MEIS3: variants seen among roughly 807,000 people sequenced by gnomAD.
MEIS3 encodes Meis homeobox 3, also known as homeobox protein Meis3.
In MEIS3, 38 loss-of-function variants were observed where a neutral mutation model predicts 51.4. The ratio of observed to expected loss-of-function variants is 0.74; its 90% CI spans 0.57 to 0.97. The LOEUF is 0.97. MEIS3 is among the 50% of genes least tolerant of loss of function. The pLI, the probability that MEIS3 is intolerant of heterozygous loss-of-function variation, is 0.00. For missense variants in MEIS3, 456 were observed against 502.6 expected, an observed-to-expected ratio of 0.91 and a Z score of 0.89; for synonymous variants, 198 against 201.8, an observed-to-expected ratio of 0.98 and a Z score of 0.16.
chr19:47,407,527 C>T, intron 8 of MEIS3, 99 bp from the exon 9 acceptor site: 1 of 1,602,542 alleles, frequency 6.2e-7, no homozygotes, highest in Non-Finnish European at 8.5e-7. Context: ...GAGCCCAGGC[C>T]CAGGCAGACG....
chr19:47,421,485 C>T (rs1443932251), upstream of MEIS3, among the ~76,000 whole-genome samples: 1 of 152,154 alleles, frequency 6.6e-6, no homozygotes, highest in Non-Finnish European at 1.5e-5. Flanking sequence ...TTGGGTTCCT[C>T]CTGTCCTCTC....
At chr19:47,417,417 G>A (rs1210689633) in intron 1 of MEIS3, 67 bp from the exon 2 acceptor site, 44 of 1,575,134 alleles carry the variant, frequency 2.8e-5, no homozygotes, top group Non-Finnish European at 3.8e-5. Context: ...ACTCGGCTGA[G>A]GAGCTTCTCT....
chr19:47,410,009 G>A (rs1971051917), intron 6 of MEIS3, among the ~76,000 whole-genome samples: 1 of 151,700 alleles, frequency 6.6e-6, no homozygotes, highest in South Asian at 2.1e-4. Flanking sequence ...TTCCTTAACT[G>A]GAAAATGAAG....
chr19:47,409,282 G>A (rs377189244), intron 7 of MEIS3, 35 bp from the exon 8 acceptor site: 3 of 1,593,428 alleles, frequency 1.9e-6, no homozygotes, highest in Non-Finnish European at 8.5e-7. Flanking sequence ...TGTGTGGGTA[G>A]TGAAGAGTGG....
chr19:47,416,566 GC>G, intron 4 of MEIS3, 85 bp downstream of exon 4: 1 of 1,166,798 alleles, frequency 8.6e-7, no homozygotes. Context: ...CCTTCTCTCT[GC>G]ACCCCCCCCA....
chr19:47,407,718 G>A, intron 8 of MEIS3: 1 of 544,898 alleles, frequency 1.8e-6, no homozygotes, highest in South Asian at 3.9e-5. Flanking sequence ...GCGTGGGGGA[G>A]GGGCTTCACT....
chr19:47,406,638 T>C, intron 11 of MEIS3, 112 bp from the exon 12 acceptor site: 1 of 1,115,590 alleles, frequency 9.0e-7, no homozygotes, highest in Non-Finnish European at 1.3e-6. Flanking sequence ...CAGGATAGAC[T>C]GAGTCATAAG....
In MEIS3 at chr19:47,419,194, A is replaced by T. The variant is rs368792495; in HGVS notation, c.-113T>A. On this transcript the variant is annotated 5_prime_UTR_variant, in exon 1 of 13. Transcript: ENST00000558555. ...GCGGTGTTGACGCCAGGGGGTGGGC[A>T]GGAGGCCAGGCGCGCGCCCCCCCAC... 1 of 756,920 alleles carries T rather than the reference A, an allele frequency of 1.3e-6. No homozygotes were observed. The highest frequency in any genetic ancestry group is 1.8e-6 in the Non-Finnish European group (1 of 559,140). The allele number at this position is 756,920 out of a possible 1,614,324, so 46.9% of individuals were successfully genotyped here.
At chr19:47,410,096 C>T (rs1003827423) in intron 6 of MEIS3, among the ~76,000 whole-genome samples, 1 of 152,042 alleles carries the variant, frequency 6.6e-6, no homozygotes, top group Non-Finnish European at 1.5e-5. Context: ...CACCTGAGGT[C>T]GGGCATTTGA....
upstream of MEIS3, among the ~76,000 whole-genome samples, chr19:47,420,381 C>T (rs1971658492): frequency 6.6e-6 from 1 of 151,284 alleles, no homozygotes; most frequent in South Asian, 2.1e-4. Context: ...ATTCTGAAAC[C>T]TAGAGGAGCA....
intron 8 of MEIS3, 68 bp from the exon 9 acceptor site, chr19:47,407,496 C>T (rs770354439): frequency 6.2e-7 from 1 of 1,611,740 alleles, no homozygotes; most frequent in South Asian, 1.1e-5. Flanking sequence ...AGGTCTGGCC[C>T]ACCGGGGTCC....
chr19:47,414,920 T>TGCTCAGGGACGGGGGC (rs1971327674), intron 5 of MEIS3, 54 bp from the exon 6 acceptor site: 4 of 762,564 alleles, frequency 5.2e-6, no homozygotes, highest in Non-Finnish European at 7.5e-6. Flanking sequence ...AGGGCGGGGG[T>TGCTCAGGGACGGGGGC]GCTCAGGGAC....
chr19:47,407,163 G>A (rs993182098), intron 9 of MEIS3, 26 bp from the exon 10 acceptor site: 4 of 1,601,878 alleles, frequency 2.5e-6, no homozygotes, highest in Non-Finnish European at 3.4e-6. Context: ...GGAAACGGAG[G>A]GGAATGAAAA....
rs757194253 is a variant in MEIS3 at position 47,416,871 on chromosome 19, G to A, written c.278C>T (p.Thr93Ile). 1.9e-6 allele frequency: 3 copies of A among 1,614,010 alleles called. No homozygotes were observed. In the Admixed American group the frequency reaches 5.0e-5, roughly 27 times the overall value. Residue 93 changes from threonine to isoleucine, a missense_variant, in exon 3 of 13, where the codon ACA becomes ATA. Coordinates refer to ENST00000558555, the MANE Select transcript of MEIS3 (RefSeq NM_001301059.2). ...PRDGAGAGLG[T>I]PPGGDVCSSD... is the part of the protein sequence containing the mutation. The stretch of plus-strand genomic sequence containing the variant: ...GGAGCAGACGTCACCTCCAGGGGGT[G>A]TCCCCAGCCCAGCTCCGGCCCCGTC...
rs1971474547 is a variant in MEIS3 at position 47,417,207 on chromosome 19, G to A, written c.156C>T (p.Gly52=). The A allele has an allele frequency of 1.3e-6, 2 of 1,567,810 alleles. No homozygotes were observed. Among genetic ancestry groups the A allele is most frequent in the South Asian group, 1.2e-5 (1 of 83,468 alleles). The change falls in exon 2 of 13, where the codon GGC becomes GGT. Residue 52 remains glycine, a synonymous_variant. Transcript: ENST00000558555. Reference sequence around the variant, plus strand: ...AGATCTCATCCTTCTCCCTCTTCAGGCCGTCGCTGTCCAAGCCTGGGGGCA... The same window carrying A: ...AGATCTCATCCTTCTCCCTCTTCAGACCGTCGCTGTCCAAGCCTGGGGGCA... ...QPLPPGLDSD[G]LKREKDEIYG... is the part of the protein sequence containing the mutation.
In MEIS3 at chr19:47,406,922, G is replaced by T; in HGVS notation, c.1044C>A (p.Thr348=). The T allele has an allele frequency of 6.3e-7, 1 of 1,579,422 alleles. No homozygotes were observed. Among genetic ancestry groups the T allele is most frequent in the East Asian group, 2.3e-5 (1 of 43,394 alleles). The change falls in exon 11 of 13, where the codon ACC becomes ACA. Residue 348 remains threonine, a synonymous_variant. Transcript: ENST00000558555. ...SPEGQPIGGY[T]ETQPHVAVRP... is the part of the protein sequence containing the mutation. Reference sequence around the variant, plus strand: ...GGACGGCCACGTGTGGCTGCGTCTCGGTATAGCCCCCGATGGGCTGGCCCT... The same window carrying T: ...GGACGGCCACGTGTGGCTGCGTCTCTGTATAGCCCCCGATGGGCTGGCCCT...
At position 47,409,127 on chromosome 19, in the gene MEIS3, A is replaced by G. The variant is rs779570800; in HGVS notation, c.830T>C (p.Met277Thr). The G allele has an allele frequency of 1.1e-5, 18 of 1,610,422 alleles. No homozygotes were observed. In the South Asian group the frequency reaches 2.0e-4, roughly 18 times the overall value. Reference sequence around the variant, plus strand: ...GAGGTGCTGGAACAACCAGGCTCGCATGATGTTGGTGGCCACCTTGGGGAA... The same window carrying G: ...GAGGTGCTGGAACAACCAGGCTCGCGTGATGTTGGTGGCCACCTTGGGGAA... ...GIFPKVATNIMRAWLFQHLSH... is the reference protein window; with the variant it reads ...GIFPKVATNITRAWLFQHLSH... Residue 277 changes from methionine (M) to threonine (T), a missense_variant, in exon 8 of 13, where the codon ATG (methionine) becomes ACG (threonine). Physicochemically the swap from Met to Thr is moderately conservative, Grantham distance 81 (BLOSUM62 -1). Transcript: ENST00000558555.
rs577474434 is a variant in MEIS3 at position 47,417,132 on chromosome 19, A to G, written c.185+46T>C. 4.5e-5 allele frequency: 69 copies of G among 1,538,712 alleles called. 1 individual carries two copies. In the South Asian group the frequency reaches 7.4e-4, roughly 17 times the overall value. The stretch of plus-strand genomic sequence containing the variant: ...CAGACCCAGGGAGCAAAGAAGCAGA[A>G]AGACAGAGAGAGAGAGACAGGAGCC... On this transcript the variant is annotated intron_variant, in intron 2 of 12. Coordinates refer to ENST00000558555, the MANE Select transcript of MEIS3 (RefSeq NM_001301059.2).
At chr19:47,407,238 G>T in intron 9 of MEIS3, 101 bp from the exon 10 acceptor site, 1 of 1,484,438 alleles carries the variant, frequency 6.7e-7, no homozygotes, top group Non-Finnish European at 9.1e-7. Context: ...GGGGGAGGCA[G>T]AGCGGGGCGA....
Sources: gnomAD v4.1 joint callset for allele counts (sites outside exome capture counted in the v4.1 genomes callset) on GRCh38, gnomAD v4.1.1 for gene constraint, MANE v1.5 for transcripts, NCBI Gene and HGNC (gene_info 2026-07-23, HGNC 2026-07-21) for gene names.